MIB1: variants seen among roughly 807,000 people sequenced by gnomAD.
MIB1 encodes MIB E3 ubiquitin protein ligase 1.
A neutral mutation model predicts 124.5 loss-of-function variants in MIB1; 278 were observed. The observed-to-expected ratio is 2.23, with a 90% CI of 2.02 to 2.47. MIB1 has a LOEUF of 2.47. MIB1 is among the 30% of genes most tolerant of loss of function. The pLI is 0.00. For synonymous variants in MIB1, 446 were observed against 429.4 expected (o/e 1.04, Z -0.48); for missense variants, 957 against 1,254.4 (o/e 0.76, Z 3.58).
Position 21,706,430 on chromosome 18 carries a change from T to G in MIB1, n.167+1307T>G, listed in dbSNP as rs1270633375. Among the ~76,000 whole-genome samples, 4 of 152,264 alleles carry G rather than the reference T, an allele frequency of 2.6e-5. No homozygotes were observed. The East Asian group carries it at 7.7e-4, about 29-fold the overall frequency. On this transcript the variant is annotated intron_variant and non_coding_transcript_variant, in intron 1 of 20. Transcript: ENST00000578646. ...ACTCTGGCCGCGTTTGAGGAGCCCT[T>G]CAGCCCGCTGCTGCACTGTGGGAGC...
At chr18:21,726,364 G>C (rs2040742151) in intron 1 of MIB1, among the ~76,000 whole-genome samples, 1 of 152,076 alleles carries the variant, frequency 6.6e-6, no homozygotes, top group Non-Finnish European at 1.5e-5. Context: ...ACCAGCCTGG[G>C]CAACATAGCA....
At chr18:21,820,319 A>G (rs2041867432) in intron 12 of MIB1, among the ~76,000 whole-genome samples, 1 of 152,212 alleles carries the variant, frequency 6.6e-6, no homozygotes, top group Non-Finnish European at 1.5e-5. Flanking sequence ...TCTTCTGTTT[A>G]TGTTTGAGTC....
chr18:21,752,086 G>C (rs2040981114), intron 1 of MIB1, among the ~76,000 whole-genome samples: 1 of 152,164 alleles, frequency 6.6e-6, no homozygotes, highest in South Asian at 2.1e-4. Flanking sequence ...TGTTGTTAAA[G>C]CAAGTAATTG....
At chr18:21,864,453 AATGATAT>A in intron 20 of MIB1, 66 bp from the exon 21 acceptor site, 1 of 1,161,276 alleles carries the variant, frequency 8.6e-7, no homozygotes, top group Non-Finnish European at 1.2e-6. Context: ...AAAGAAAATT[AATGATAT>A]ATAACAGTCT....
At chr18:21,830,901 C>A (rs1005936609) in intron 12 of MIB1, 1 of 152,018 alleles carries the variant, frequency 6.6e-6, no homozygotes, top group Admixed American at 6.6e-5. Context: ...ACAAAAACCA[C>A]CAACAAAAAC....
intron 3 of MIB1, among the ~76,000 whole-genome samples, chr18:21,769,739 A>G (rs2041204361): frequency 1.3e-5 from 2 of 152,180 alleles, no homozygotes; most frequent in South Asian, 4.1e-4. Flanking sequence ...GCTGGAAGTC[A>G]TCTTTCCTCA....
At chr18:21,759,240 T>TA (rs1364236771) in intron 1 of MIB1, among the ~76,000 whole-genome samples, 2 of 151,028 alleles carry the variant, frequency 1.3e-5, no homozygotes, top group Non-Finnish European at 2.9e-5. Context: ...TATATATATA[T>TA]ATGTATATAT....
chr18:21,812,426 G>A (rs1030761693), intron 10 of MIB1: 1 of 152,304 alleles, frequency 6.6e-6, no homozygotes, highest in East Asian at 1.9e-4. Flanking sequence ...GAATAGATTG[G>A]GATAAGAAAG....
At chr18:21,821,829 C>T (rs1343943922) in intron 12 of MIB1, among the ~76,000 whole-genome samples, 1 of 152,116 alleles carries the variant, frequency 6.6e-6, no homozygotes, top group African/African-American at 2.4e-5. Flanking sequence ...TCTCGATCTC[C>T]TGACCTCGTG....
Position 21,853,213 on chromosome 18 carries a change from G to T in MIB1, c.2660G>T (p.Cys887Phe). 1 of 1,604,294 alleles carries T rather than the reference G, an allele frequency of 6.2e-7. No homozygotes were observed. The change falls in exon 18 of 21, where the codon TGT becomes TTT. Residue 887 changes from cysteine (C) to phenylalanine (F), a missense_variant. Transcript: ENST00000261537. ...CAACCCTGTGGCCACATGTGTGCTT[G>T]TGAGAGTAAGTAGCCTATGCAGAGT... ...LFQPCGHMCACENCANLMKKC... is the reference protein window; with the variant it reads ...LFQPCGHMCAFENCANLMKKC...
intron 17 of MIB1, among the ~76,000 whole-genome samples, chr18:21,851,279 G>T (rs1052235423): frequency 3.9e-5 from 6 of 152,146 alleles, no homozygotes; most frequent in African/African-American, 1.4e-4. Context: ...GTCTGCAAGG[G>T]ATAGTTGATG....
chr18:21,791,134 A>G (rs1481770234), intron 6 of MIB1, among the ~76,000 whole-genome samples: 1 of 151,818 alleles, frequency 6.6e-6, no homozygotes, highest in Non-Finnish European at 1.5e-5. Flanking sequence ...GTGAGCCGAG[A>G]TCATGCCACT....
rs893629933 is a variant in MIB1, at chr18:21,741,014, G to A, written c.-570G>A. Among the ~76,000 whole-genome samples the A allele has an allele frequency of 3.9e-5, 6 of 152,128 alleles. No individual in the cohort carries two copies. Among genetic ancestry groups the A allele is most frequent in the Admixed American group, 2.6e-4 (4 of 15,288 alleles). ...GGGCGGAGCGCGGCGGCTGGTGCGGGGGCAGAGAGAAGGGGGCCTGAGGGC... is the reference window on the plus strand; with the variant it reads ...GGGCGGAGCGCGGCGGCTGGTGCGGAGGCAGAGAGAAGGGGGCCTGAGGGC... On this transcript the variant is annotated 5_prime_UTR_variant, in exon 1 of 21. Transcript: ENST00000261537. The surrounding 1 kb of genome is among the most constrained non-coding windows in gnomAD (Gnocchi z 5.4).
rs2042261959 is a variant in MIB1 at position 21,860,027 on chromosome 18, T to C, written c.2880+1381T>C. Among the ~76,000 whole-genome samples, 2 of 148,722 alleles carry C rather than the reference T, an allele frequency of 1.3e-5. 1 individual carries two copies. Among genetic ancestry groups the C allele is most frequent in the South Asian group, 4.2e-4 (2 of 4,710 alleles). On this transcript the variant is annotated intron_variant, in intron 20 of 20. Transcript: ENST00000261537. ...CATGGAAAGGATTGGGGAGGATTTA[T>C]AGAGGGGCTTCAAAAATAAGAGTAA...
intron 4 of MIB1, among the ~76,000 whole-genome samples, chr18:21,777,466 T>C (rs2041303351): frequency 6.6e-6 from 1 of 152,184 alleles, no homozygotes; most frequent in South Asian, 2.1e-4. Context: ...TTGTTGTCCT[T>C]TTTTAACATG....
At chr18:21,716,887 C>T (rs1300238305) in intron 1 of MIB1, among the ~76,000 whole-genome samples, 1 of 151,858 alleles carries the variant, frequency 6.6e-6, no homozygotes, top group Non-Finnish European at 1.5e-5. Context: ...TACAGAATTG[C>T]AGAATGGATA....
At chr18:21,766,851 C>G (rs988757390) in intron 2 of MIB1, among the ~76,000 whole-genome samples, 2 of 151,976 alleles carry the variant, frequency 1.3e-5, no homozygotes, top group African/African-American at 4.8e-5. Context: ...CCACCCCGGA[C>G]AGCATAGTAA....
At chr18:21,759,115 A>G (rs2041067797) in intron 1 of MIB1, among the ~76,000 whole-genome samples, 2 of 151,852 alleles carry the variant, frequency 1.3e-5, no homozygotes, top group African/African-American at 4.8e-5. Context: ...AGCTGTCACA[A>G]ATTAGTTTTT....
At chr18:21,799,383 A>G (rs1443317706) in intron 8 of MIB1, among the ~76,000 whole-genome samples, 1 of 152,028 alleles carries the variant, frequency 6.6e-6, no homozygotes, top group African/African-American at 2.4e-5. Context: ...ACCCTAAACT[A>G]TGTCCCCAGA....
Sources: allele counts gnomAD v4.1 joint callset (sites outside exome capture counted in the v4.1 genomes callset), GRCh38; gene constraint gnomAD v4.1.1; non-coding constraint Gnocchi (gnomAD v3.1); transcripts MANE v1.5; gene names NCBI Gene and HGNC (gene_info 2026-07-23, HGNC 2026-07-21).